Variants in MGAT5 observed in about 807,000 individuals in gnomAD.
The protein encoded by MGAT5 is alpha-1,6-mannosylglycoprotein 6-beta-N-acetylglucosaminyltransferase A.
A neutral mutation model predicts 94.3 loss-of-function variants in MGAT5; 30 were observed. The ratio of observed to expected loss-of-function variants is 0.32; its 90% CI spans 0.24 to 0.43. The LOEUF is 0.43. MGAT5 is among the 20% of genes least tolerant of loss of function. The probability of loss-of-function intolerance (pLI) is 1.00; values close to 1 mark genes in which losing one functional copy is unlikely to be tolerated. For missense variants in MGAT5, 691 were observed against 905.5 expected, an observed-to-expected ratio of 0.76 and a Z score of 3.04; for synonymous variants, 310 against 322.9, an observed-to-expected ratio of 0.96 and a Z score of 0.43.
At position 134,145,985 on chromosome 2, in the gene MGAT5, C is replaced by T. The variant is rs143853931; in HGVS notation, c.-143+25694C>T. On this transcript the variant is annotated intron_variant, in intron 1 of 16. Transcript: ENST00000409645. ...ACTGTTAGACTGTTTTTTAAGGTGTCCTTGATTTTGGTTAGCCTGGTCTTT... is the reference window on the plus strand; with the variant it reads ...ACTGTTAGACTGTTTTTTAAGGTGTTCTTGATTTTGGTTAGCCTGGTCTTT... Among the ~76,000 whole-genome samples, 5 of 152,190 alleles carry T rather than the reference C, an allele frequency of 3.3e-5. No homozygotes were observed. The East Asian group carries it at 9.7e-4, about 29-fold the overall frequency.
chr2:134,399,426 C>T (rs1242842706), intron 10 of MGAT5, among the ~76,000 whole-genome samples: 2 of 152,230 alleles, frequency 1.3e-5, no homozygotes, highest in African/African-American at 2.4e-5. Flanking sequence ...CTCATTGACT[C>T]CAGCATGCGC....
rs117546688 is a variant in MGAT5, at chr2:134,293,558, C to T, written c.406+23008C>T. Among the ~76,000 whole-genome samples the T allele has an allele frequency of 6.6e-4, 101 of 152,030 alleles. 2 individuals carry two copies. In the East Asian group the frequency reaches 0.017, roughly 26 times the overall value. On this transcript the variant is annotated intron_variant, in intron 2 of 15. Transcript: ENST00000281923. ...ATCTGGGTTCACTGCAACCTCTGCC[C>T]ACCAGGCTCAAGTGATCCTCCCACC...
At chr2:134,370,837 A>G (rs577253515) in intron 10 of MGAT5, among the ~76,000 whole-genome samples, 33 of 152,376 alleles carry the variant, frequency 2.2e-4, no homozygotes, top group African/African-American at 7.5e-4. Context: ...ATGATCCAGG[A>G]ACCTTAAGGA....
chr2:134,181,586 G>C (rs954967293), intron 1 of MGAT5, among the ~76,000 whole-genome samples: 4 of 152,118 alleles, frequency 2.6e-5, no homozygotes, highest in Non-Finnish European at 5.9e-5. Context: ...TGCATGTGCA[G>C]TTCTAAGCTG....
At chr2:134,414,639 C>T (rs1683866006) in intron 12 of MGAT5, among the ~76,000 whole-genome samples, 1 of 152,100 alleles carries the variant, frequency 6.6e-6, no homozygotes, top group African/African-American at 2.4e-5. Flanking sequence ...TTAAGATCTC[C>T]TTTTTTGGCA....
chr2:134,293,996 C>T (rs1042842801), intron 2 of MGAT5, among the ~76,000 whole-genome samples: 7 of 152,174 alleles, frequency 4.6e-5, no homozygotes, highest in South Asian at 4.1e-4. Context: ...GTTGGCTTCC[C>T]AGACTCCTCG....
chr2:134,315,704 T>G (rs796882175), intron 2 of MGAT5, among the ~76,000 whole-genome samples: 3 of 152,348 alleles, frequency 2.0e-5, no homozygotes, highest in African/African-American at 4.8e-5. Flanking sequence ...TGATGGTTAG[T>G]AAGAGCTGGA....
intron 14 of MGAT5, among the ~76,000 whole-genome samples, chr2:134,436,021 A>C (rs1685148997): frequency 1.3e-5 from 2 of 152,222 alleles, no homozygotes; most frequent in African/African-American, 4.8e-5. Flanking sequence ...ATCATATGTA[A>C]TCAGCCAACT....
At chr2:134,134,853 A>G (rs1265639255) in intron 1 of MGAT5, among the ~76,000 whole-genome samples, 1 of 152,248 alleles carries the variant, frequency 6.6e-6, no homozygotes, top group Non-Finnish European at 1.5e-5. Flanking sequence ...CAAAATCTGA[A>G]CCTAGACCTA....
rs907728723 is a variant in MGAT5, at chr2:134,454,018, T to C, written c.*5171T>C. Reference sequence around the variant, plus strand: ...ATTCTGTTCCGCCAAATCAGCAGTCTCGTCCTGTGGATGCAGTGACTGGAA... The same window carrying C: ...ATTCTGTTCCGCCAAATCAGCAGTCCCGTCCTGTGGATGCAGTGACTGGAA... On this transcript the variant is annotated 3_prime_UTR_variant, in exon 16 of 16. Transcript: ENST00000281923. 3 of 152,228 alleles carry C rather than the reference T, an allele frequency of 2.0e-5. No homozygotes were observed. The highest frequency in any genetic ancestry group is 7.2e-5 in the African/African-American group (3 of 41,456). The allele number at this position is 152,228 out of a possible 1,614,324, so 9.4% of individuals were successfully genotyped here. A position where few individuals can be genotyped will look rare whatever the true frequency, so the allele number is the denominator to read the frequency against.
Position 134,437,715 on chromosome 2 carries a change from A to G in MGAT5, c.1870-4043A>G, listed in dbSNP as rs115491137. ...CTGCAGAAGTTATCCAGTTGCTCCTAAAGAATTACAGGTTGAGCGGGCTGA... is the reference window on the plus strand; with the variant it reads ...CTGCAGAAGTTATCCAGTTGCTCCTGAAGAATTACAGGTTGAGCGGGCTGA... On this transcript the variant is annotated intron_variant, in intron 14 of 15. Coordinates refer to ENST00000281923, the MANE Select transcript of MGAT5 (RefSeq NM_002410.5). Among the ~76,000 whole-genome samples, 246 of 152,316 alleles carry G rather than the reference A, an allele frequency of 1.6e-3. 1 individual carries two copies. Among genetic ancestry groups the G allele is most frequent in the African/African-American group, 5.4e-3 (225 of 41,572 alleles).
At chr2:134,232,526 G>A (rs1681422226) in intron 1 of MGAT5, among the ~76,000 whole-genome samples, 1 of 152,092 alleles carries the variant, frequency 6.6e-6, no homozygotes, top group Admixed American at 6.6e-5. Context: ...GTAATGCTTA[G>A]AAAACAATTT....
rs1226932625 is a variant in MGAT5 at position 134,215,429 on chromosome 2, T to C, written c.-142-38833T>C. Among the ~76,000 whole-genome samples, 11 of 152,170 alleles carry C rather than the reference T, an allele frequency of 7.2e-5. 1 individual carries two copies. In the East Asian group the frequency reaches 1.9e-3, roughly 27 times the overall value. On this transcript the variant is annotated intron_variant, in intron 1 of 16. Transcript: ENST00000409645. ...TTCAAGACTGGGTGGCTACATCTGCTCAGCTTTTGGCGAGGGCCTCATGCT... is the reference window on the plus strand; with the variant it reads ...TTCAAGACTGGGTGGCTACATCTGCCCAGCTTTTGGCGAGGGCCTCATGCT...
chr2:134,433,054 C>T (rs548641235), intron 14 of MGAT5, among the ~76,000 whole-genome samples: 2 of 152,254 alleles, frequency 1.3e-5, no homozygotes, highest in African/African-American at 4.8e-5. Context: ...TTCCGTCACC[C>T]CAAAAAACTC....
chr2:134,387,330 A>T (rs7421540), intron 10 of MGAT5, among the ~76,000 whole-genome samples: 3,617 of 39,190 alleles, frequency 0.092, 161 homozygotes, highest in African/African-American at 0.13. Flanking sequence ...ATATATATAT[A>T]TATTTTTTTT....
At chr2:134,317,641 A>G in intron 3 of MGAT5, 36 bp downstream of exon 3, 1 of 1,357,800 alleles carries the variant, frequency 7.4e-7, no homozygotes, top group Non-Finnish European at 9.9e-7. Flanking sequence ...CAATCTGCAC[A>G]AACACCCCTT....
At chr2:134,226,518 T>C (rs998597784) in intron 1 of MGAT5, among the ~76,000 whole-genome samples, 1 of 152,210 alleles carries the variant, frequency 6.6e-6, no homozygotes, top group African/African-American at 2.4e-5. Flanking sequence ...TGCTTTGGTG[T>C]CATAAACTTG....
intron 11 of MGAT5, among the ~76,000 whole-genome samples, chr2:134,409,629 G>A (rs1382243088): frequency 6.6e-6 from 1 of 152,194 alleles, no homozygotes; most frequent in Non-Finnish European, 1.5e-5. Context: ...TGTGTTGTGT[G>A]TGTGTTTCCT....
rs189168595 is a variant in MGAT5, at chr2:134,215,624, G to A, written c.-142-38638G>A. 1.1e-4 allele frequency among the ~76,000 whole-genome samples: 16 copies of A among 152,254 alleles called. No homozygotes were observed. The East Asian group carries it at 3.1e-3, about 29-fold the overall frequency. The stretch of plus-strand genomic sequence containing the variant: ...GATACTGCATTAATCCTATTCATGA[G>A]GGATCCGGCTCCATGACCCAAACAC... On this transcript the variant is annotated intron_variant, in intron 1 of 16. Coordinates refer to the MGAT5 transcript ENST00000409645.
Sources: allele counts gnomAD v4.1 joint callset (sites outside exome capture counted in the v4.1 genomes callset), GRCh38; gene constraint gnomAD v4.1.1; transcripts MANE v1.5; gene names NCBI Gene and HGNC (gene_info 2026-07-23, HGNC 2026-07-21).